The following BTLA variants were observed in gnomAD, a reference collection of about 807,000 sequenced individuals.
BTLA encodes the protein B and T lymphocyte associated, also known as B- and T-lymphocyte attenuator.
Under a neutral mutation model 25.0 loss-of-function variants are expected in BTLA, and 11 were observed. The observed-to-expected ratio is 0.44, with a 90% CI of 0.28 to 0.73. The LOEUF (loss-of-function observed/expected upper bound fraction) is 0.73, where lower values mean the gene tolerates loss of function less well. Among genes scored for constraint, BTLA ranks in the 30% least tolerant of loss-of-function variants. The pLI is 0.15. For missense variants in BTLA, 282 were observed against 332.8 expected (o/e 0.85, Z 1.19); for synonymous variants, 104 against 119.8 (o/e 0.87, Z 0.86).
intron 1 of BTLA, among the ~76,000 whole-genome samples, chr3:112,490,311 C>T (rs1252614479): frequency 6.6e-6 from 1 of 152,148 alleles, no homozygotes; most frequent in East Asian, 1.9e-4. Flanking sequence ...ATGACACACA[C>T]AAACATATGT....
intron 4 of BTLA, 123 bp downstream of exon 4, chr3:112,469,634 TA>T (rs2082250784): frequency 2.3e-5 from 1 of 43,524 alleles, no homozygotes; most frequent in African/African-American, 5.6e-5. Context: ...TATATATATA[TA>T]TATATATATA....
intron 2 of BTLA, among the ~76,000 whole-genome samples, chr3:112,472,338 T>C (rs1056569539): frequency 6.6e-6 from 1 of 152,118 alleles, no homozygotes; most frequent in Non-Finnish European, 1.5e-5. Context: ...GATCTGGTTG[T>C]TGTTGTTGTT....
chr3:112,472,349 G>GT (rs1343682348), intron 2 of BTLA, among the ~76,000 whole-genome samples: 27 of 151,706 alleles, frequency 1.8e-4, no homozygotes, highest in African/African-American at 4.1e-4. Context: ...TGTTGTTGTT[G>GT]TTGTTTTTTT....
intron 1 of BTLA, among the ~76,000 whole-genome samples, chr3:112,498,489 T>C (rs1211352340): frequency 2.7e-5 from 4 of 150,938 alleles, no homozygotes; most frequent in Non-Finnish European, 5.9e-5. Context: ...GAGCCACTCA[T>C]AGGCTTTTCC....
rs1234089951 is a variant in BTLA at position 112,466,297 on chromosome 3, A to C, written c.681T>G (p.Asp227Glu). The C allele has an allele frequency of 1.4e-5, 23 of 1,613,934 alleles. No homozygotes were observed. The highest frequency in any genetic ancestry group is 2.7e-5 in the African/African-American group (2 of 74,948). ...QVLLSETGIY[D>E]NDPDLCFRMQ... The stretch of plus-strand genomic sequence containing the variant: ...TCCTGAAACAAAGGTCAGGGTCATT[A>C]TCATAAATTCCAGTTTCTGATAGCA... The change falls in exon 5 of 5, where the codon GAT becomes GAG. Residue 227 changes from aspartate to glutamate, a missense_variant. By Grantham distance (45) the Asp-to-Glu change is conservative (BLOSUM62 2). Coordinates refer to ENST00000334529, the MANE Select transcript of BTLA (RefSeq NM_181780.4).
chr3:112,483,140 CTTTTT>C (rs35513528), intron 1 of BTLA, among the ~76,000 whole-genome samples: 742 of 51,726 alleles, frequency 0.014, 20 homozygotes, highest in East Asian at 0.11. Flanking sequence ...GGGCACCTTT[CTTTTT>C]TTTTTTTTTT....
At chr3:112,468,008 C>A (rs2082239472) in intron 4 of BTLA, among the ~76,000 whole-genome samples, 1 of 152,228 alleles carries the variant, frequency 6.6e-6, no homozygotes, top group Non-Finnish European at 1.5e-5. Context: ...CTCTGCAGCA[C>A]CCCTGCTGTG....
At chr3:112,492,986 A>G (rs1014462993) in intron 1 of BTLA, among the ~76,000 whole-genome samples, 2 of 152,218 alleles carry the variant, frequency 1.3e-5, no homozygotes, top group African/African-American at 4.8e-5. Context: ...CTCAAATTGT[A>G]TGACACCTCT....
At position 112,479,903 on chromosome 3, in the gene BTLA, C is replaced by A; in HGVS notation, c.89-134G>T. The A allele has an allele frequency of 4.5e-6, 3 of 670,778 alleles. No individual in the cohort carries two copies. In the East Asian group the frequency reaches 8.3e-5, roughly 19 times the overall value. 41.6% of individuals were successfully genotyped at this position (670,778 alleles called of 1,614,324 possible). On this transcript the variant is annotated intron_variant, in intron 1 of 4. Transcript: ENST00000334529. ...CCCAATTTCTAGTAATTAAGCCTTA[C>A]TAGCAGAATGTCTCATACATATTAG...
At chr3:112,493,905 G>A (rs958501132) in intron 1 of BTLA, among the ~76,000 whole-genome samples, 2 of 152,214 alleles carry the variant, frequency 1.3e-5, no homozygotes, top group Non-Finnish European at 2.9e-5. Flanking sequence ...GAGGTCAGGA[G>A]ATCAAGACCA....
At chr3:112,466,485 T>C in intron 4 of BTLA, 102 bp from the exon 5 acceptor site, 1 of 1,090,620 alleles carries the variant, frequency 9.2e-7, no homozygotes, top group Non-Finnish European at 1.3e-6. Context: ...GTCATGTCCA[T>C]TGTGAGAAAT....
At chr3:112,499,180 C>T in intron 1 of BTLA, 91 bp downstream of exon 1, 2 of 921,208 alleles carry the variant, frequency 2.2e-6, no homozygotes, top group South Asian at 1.5e-5. Flanking sequence ...TTCGTATAAA[C>T]GTTACACCGT....
intron 1 of BTLA, among the ~76,000 whole-genome samples, chr3:112,488,050 A>T (rs1413721608): frequency 6.6e-6 from 1 of 152,032 alleles, no homozygotes; most frequent in Non-Finnish European, 1.5e-5. Context: ...TTGATTCAGG[A>T]TGGAAAATGT....
chr3:112,490,858 C>A (rs1040613984), intron 1 of BTLA, among the ~76,000 whole-genome samples: 2 of 151,818 alleles, frequency 1.3e-5, no homozygotes, highest in Non-Finnish European at 2.9e-5. Context: ...TGAAATTTTT[C>A]TTTAAGTTTA....
chr3:112,487,084 A>G (rs974248730), intron 1 of BTLA, among the ~76,000 whole-genome samples: 4 of 152,228 alleles, frequency 2.6e-5, no homozygotes, highest in Non-Finnish European at 4.4e-5. Context: ...GGCCAGCTGT[A>G]TAACTGGGAA....
At chr3:112,468,529 C>T (rs2082243020) in intron 4 of BTLA, among the ~76,000 whole-genome samples, 1 of 152,184 alleles carries the variant, frequency 6.6e-6, no homozygotes, top group African/African-American at 2.4e-5. Context: ...ACTTCCCAGA[C>T]AATTGCACAT....
rs571182180 is a variant in BTLA at position 112,468,622 on chromosome 3, A to T, written c.594+1136T>A. 2.0e-5 allele frequency among the ~76,000 whole-genome samples: 3 copies of T among 152,248 alleles called. No individual in the cohort carries two copies. The South Asian group carries it at 6.2e-4, about 32-fold the overall frequency. On this transcript the variant is annotated intron_variant, in intron 4 of 4. Transcript: ENST00000334529. ...AAGAACAATGTCCACAGCTTAACCA[A>T]CCTGGGTTTTACTTGCACAGTAAAT...
intron 1 of BTLA, among the ~76,000 whole-genome samples, chr3:112,495,263 A>T (rs1236052949): frequency 6.6e-6 from 1 of 152,230 alleles, no homozygotes; most frequent in Non-Finnish European, 1.5e-5. Context: ...GATCTTAGCC[A>T]CTATACCACA....
At chr3:112,468,100 A>G (rs1317766500) in intron 4 of BTLA, among the ~76,000 whole-genome samples, 2 of 152,266 alleles carry the variant, frequency 1.3e-5, no homozygotes, top group African/African-American at 2.4e-5. Flanking sequence ...AGAAACAGCA[A>G]TCCCACCTTA....
Sources: allele counts gnomAD v4.1 joint callset (sites outside exome capture counted in the v4.1 genomes callset), GRCh38; gene constraint gnomAD v4.1.1; transcripts MANE v1.5; gene names NCBI Gene and HGNC (gene_info 2026-07-23, HGNC 2026-07-21).